PLEKHA7: variants seen among roughly 807,000 people sequenced by gnomAD.
The protein encoded by PLEKHA7 is pleckstrin homology domain-containing family A member 7.
Under a neutral mutation model 170.0 loss-of-function variants are expected in PLEKHA7, and 104 were observed. The ratio of observed to expected loss-of-function variants is 0.61; its 90% CI spans 0.52 to 0.72. PLEKHA7 has a LOEUF of 0.72. Among genes scored for constraint, PLEKHA7 ranks in the 30% least tolerant of loss-of-function variants. PLEKHA7 has a pLI of 0.00. For missense variants in PLEKHA7, 1,615 were observed against 1,671.7 expected (o/e 0.97, Z 0.59); for synonymous variants, 648 against 660.8 (o/e 0.98, Z 0.30).
At chr11:16,907,315 C>T (rs1590572031) in intron 3 of PLEKHA7, among the ~76,000 whole-genome samples, 2 of 142,640 alleles carry the variant, frequency 1.4e-5, no homozygotes, top group African/African-American at 5.3e-5. Flanking sequence ...AGGGGCGCCT[C>T]TGCCCGGCCG....
At chr11:16,983,443 G>A (rs1302377998) in intron 3 of PLEKHA7, among the ~76,000 whole-genome samples, 1 of 152,172 alleles carries the variant, frequency 6.6e-6, no homozygotes, top group Non-Finnish European at 1.5e-5. Context: ...AGGTAGTGAG[G>A]AGGGATGCCC....
chr11:16,880,679 T>C (rs1381010139), intron 3 of PLEKHA7, among the ~76,000 whole-genome samples: 2 of 152,176 alleles, frequency 1.3e-5, no homozygotes, highest in Admixed American at 6.5e-5. Context: ...AAGAGGCACC[T>C]TCCACCAGCC....
rs928366446 is a variant in PLEKHA7, at chr11:16,954,368, A to G, written c.221+59621T>C. Reference sequence around the variant, plus strand: ...CCATCTCTACAAAAACAACAACAACAACAACAAAAATTTAAATTAGCCATG... The same window carrying G: ...CCATCTCTACAAAAACAACAACAACGACAACAAAAATTTAAATTAGCCATG... On this transcript the variant is annotated intron_variant, in intron 3 of 26. Transcript: ENST00000531066. 2.0e-5 allele frequency among the ~76,000 whole-genome samples: 3 copies of G among 151,846 alleles called. No homozygotes were observed. The South Asian group carries it at 6.3e-4, about 32-fold the overall frequency.
intron 4 of PLEKHA7, among the ~76,000 whole-genome samples, chr11:16,865,032 T>C (rs1008347852): frequency 2.0e-5 from 3 of 152,078 alleles, no homozygotes; most frequent in Non-Finnish European, 4.4e-5. Context: ...TCACAATAGG[T>C]CACAGGATAG....
intron 3 of PLEKHA7, among the ~76,000 whole-genome samples, chr11:16,874,075 C>T (rs773601160): frequency 1.3e-5 from 2 of 152,194 alleles, no homozygotes; most frequent in African/African-American, 2.4e-5. Flanking sequence ...CTGCTCATAA[C>T]GGAAATAACC....
intron 6 of PLEKHA7, 70 bp from the exon 7 acceptor site, chr11:16,852,425 C>T: frequency 1.5e-6 from 2 of 1,354,374 alleles, no homozygotes; most frequent in South Asian, 2.7e-5. Flanking sequence ...GCATGCACAA[C>T]CTGATTCCAG....
chr11:16,926,845 C>G (rs1163636162), intron 3 of PLEKHA7, among the ~76,000 whole-genome samples: 1 of 152,198 alleles, frequency 6.6e-6, no homozygotes, highest in Non-Finnish European at 1.5e-5. Flanking sequence ...CAAAGAGGCC[C>G]TTATGTCTGT....
At chr11:17,009,817 T>C (rs1173547773) in intron 3 of PLEKHA7, among the ~76,000 whole-genome samples, 1 of 151,994 alleles carries the variant, frequency 6.6e-6, no homozygotes, top group African/African-American at 2.4e-5. Flanking sequence ...TTTGTACAGA[T>C]GAGGCCTCTC....
intron 13 of PLEKHA7, among the ~76,000 whole-genome samples, chr11:16,808,144 A>C (rs1849119531): frequency 6.6e-6 from 1 of 152,246 alleles, no homozygotes; most frequent in Non-Finnish European, 1.5e-5. Flanking sequence ...CGCTACTTCA[A>C]AACCATGTTT....
chr11:16,850,031 A>T (rs565980608), intron 8 of PLEKHA7, among the ~76,000 whole-genome samples: 2 of 152,298 alleles, frequency 1.3e-5, no homozygotes, highest in South Asian at 4.1e-4. Flanking sequence ...CAAGGTGTTG[A>T]TAGAGACTCT....
chr11:16,806,466 C>G (rs1360543616), intron 13 of PLEKHA7, among the ~76,000 whole-genome samples: 2 of 152,226 alleles, frequency 1.3e-5, no homozygotes, highest in African/African-American at 4.8e-5. Context: ...GAAAGAGTCT[C>G]TCCATCAGAG....
intron 7 of PLEKHA7, among the ~76,000 whole-genome samples, 156 bp from the exon 8 acceptor site, chr11:16,851,447 T>A (rs995185856): frequency 6.6e-6 from 1 of 151,974 alleles, no homozygotes; most frequent in Non-Finnish European, 1.5e-5. Context: ...CCATTCTTTT[T>A]ATTTATTTAT....
chr11:16,851,147 G>A, intron 8 of PLEKHA7, 44 bp downstream of exon 8: 1 of 1,440,756 alleles, frequency 6.9e-7, no homozygotes, highest in Non-Finnish European at 9.4e-7. Flanking sequence ...TGAGAACACA[G>A]TTTCTTAGAC....
intron 10 of PLEKHA7, among the ~76,000 whole-genome samples, chr11:16,819,878 T>C (rs765237336): frequency 1.3e-5 from 2 of 152,190 alleles, no homozygotes; most frequent in Non-Finnish European, 2.9e-5. Context: ...GGTGACCTAC[T>C]GCACAGCATG....
intron 3 of PLEKHA7, among the ~76,000 whole-genome samples, chr11:16,912,971 C>T (rs1858359578): frequency 6.6e-6 from 1 of 152,150 alleles, no homozygotes; most frequent in Non-Finnish European, 1.5e-5. Context: ...AATTAACATC[C>T]TACTGCTCCA....
intron 3 of PLEKHA7, among the ~76,000 whole-genome samples, chr11:17,011,924 C>T (rs1865343213): frequency 6.6e-6 from 1 of 150,400 alleles, no homozygotes. Flanking sequence ...GTGCCCAAGC[C>T]CTGAGGAGTC....
intron 4 of PLEKHA7, among the ~76,000 whole-genome samples, chr11:16,858,874 C>G (rs566781178): frequency 5.9e-5 from 9 of 152,254 alleles, no homozygotes; most frequent in African/African-American, 7.2e-5. Context: ...CCCCCCAAAC[C>G]CACATATTCT....
At chr11:16,917,218 C>A (rs1315022134) in intron 3 of PLEKHA7, among the ~76,000 whole-genome samples, 1 of 151,870 alleles carries the variant, frequency 6.6e-6, no homozygotes, top group Non-Finnish European at 1.5e-5. Context: ...GACCCTGTCT[C>A]AAAAAAATAA....
chr11:16,833,030 T>C (rs1286790200), intron 9 of PLEKHA7, among the ~76,000 whole-genome samples: 1 of 152,202 alleles, frequency 6.6e-6, no homozygotes, highest in Non-Finnish European at 1.5e-5. Flanking sequence ...GCTCGCTCTT[T>C]TGAATGAGTT....
Sources: gnomAD v4.1 joint callset for allele counts (sites outside exome capture counted in the v4.1 genomes callset) on GRCh38, gnomAD v4.1.1 for gene constraint, MANE v1.5 for transcripts, NCBI Gene and HGNC (gene_info 2026-07-23, HGNC 2026-07-21) for gene names.